Variants in EPRS1 observed in about 807,000 individuals in gnomAD.
The protein encoded by EPRS1 is bifunctional glutamate/proline--tRNA ligase.
Under a neutral mutation model 188.3 loss-of-function variants are expected in EPRS1, and 107 were observed. The observed-to-expected ratio is 0.57, with a 90% CI of 0.49 to 0.67. The LOEUF (loss-of-function observed/expected upper bound fraction) is 0.67, where lower values mean the gene tolerates loss of function less well. Among genes scored for constraint, EPRS1 ranks in the 30% least tolerant of loss-of-function variants. EPRS1 has a pLI of 0.00. For missense variants in EPRS1, 1,577 were observed against 1,802.2 expected (o/e 0.88, Z 2.26); for synonymous variants, 596 against 593.1 (o/e 1.00, Z -0.07).
At chr1:220,007,380 C>T (rs781576851) in intron 13 of EPRS1, 42 bp from the exon 14 acceptor site, 8 of 1,584,318 alleles carry the variant, frequency 5.0e-6, no homozygotes, top group Non-Finnish European at 6.9e-6. Flanking sequence ...GAAACAACAA[C>T]TTATTGAACC....
chr1:219,996,723 T>A lies in EPRS1; in HGVS notation c.2541+260A>T, dbSNP rs6672134. ...CACAAACCCTTTACATAGCAACTTA[T>A]ACATATCACAAAGGATTACAGTCAC... On this transcript the variant is annotated intron_variant, in intron 18 of 31. Transcript: ENST00000366923. 5.3e-3 allele frequency among the ~76,000 whole-genome samples: 810 copies of A among 152,306 alleles called. 7 individuals are homozygous for A. The highest frequency in any genetic ancestry group is 0.019 in the African/African-American group (786 of 41,538).
chr1:219,981,616 T>C (rs1660901682), intron 23 of EPRS1, among the ~76,000 whole-genome samples, 159 bp from the exon 24 acceptor site: 2 of 152,252 alleles, frequency 1.3e-5, no homozygotes, highest in African/African-American at 4.8e-5. Context: ...CCAATGTTTA[T>C]AATAAGTGAA....
intron 21 of EPRS1, 65 bp from the exon 22 acceptor site, chr1:219,983,463 A>C: frequency 2.6e-6 from 3 of 1,167,728 alleles, no homozygotes; most frequent in Non-Finnish European, 2.4e-6. Flanking sequence ...AAGTGGCAAG[A>C]GTATGATAAC....
rs1172451133 is a variant in EPRS1 at position 220,040,184 on chromosome 1, C to A, written c.131+1G>T. The stretch of plus-strand genomic sequence containing the variant: ...GAAAATAAAAAGATGAAAACACTTA[C>A]TCAGAAACATGAAGAATATTCTCTT... On this transcript the variant is annotated splice_donor_variant, in intron 2 of 31. Transcript: ENST00000366923. LOFTEE classifies it high-confidence loss of function. 6.3e-7 allele frequency: 1 copy of A among 1,586,470 alleles called. No individual in the cohort carries two copies. The highest frequency in any genetic ancestry group is 8.6e-7 in the Non-Finnish European group (1 of 1,158,792).
intron 12 of EPRS1, among the ~76,000 whole-genome samples, chr1:220,014,063 C>G (rs1019531959): frequency 6.6e-6 from 1 of 152,210 alleles, no homozygotes; most frequent in African/African-American, 2.4e-5. Context: ...CACAGTGGCT[C>G]ACGCCTGTAA....
intron 12 of EPRS1, among the ~76,000 whole-genome samples, chr1:220,013,670 GAC>G (rs1021017490): frequency 1.3e-5 from 2 of 152,170 alleles, no homozygotes; most frequent in Admixed American, 6.5e-5. Flanking sequence ...TGAGAAGAAA[GAC>G]AGAGCAAGCT....
At chr1:219,989,888 A>C (rs1289314679) in intron 18 of EPRS1, among the ~76,000 whole-genome samples, 1 of 152,270 alleles carries the variant, frequency 6.6e-6, no homozygotes, top group Admixed American at 6.5e-5. Flanking sequence ...AAGAGTTTTC[A>C]CAGCAGAAAC....
rs543632722 is a variant in EPRS1, at chr1:220,001,359, TTTTC to T, written c.2064-108_2064-105del. 2.5e-4 allele frequency: 181 copies of T among 713,152 alleles called. 5 individuals are homozygous for T. In the South Asian group the frequency reaches 2.9e-3, roughly 12 times the overall value. 44.2% of individuals were successfully genotyped at this position (713,152 alleles called of 1,614,324 possible). On this transcript the variant is annotated intron_variant, in intron 16 of 31. Coordinates refer to ENST00000366923, the MANE Select transcript of EPRS1 (RefSeq NM_004446.3). Reference sequence around the variant, plus strand: ...AAATTCAATGGCACTAAGTTAATGCTTTTCTTTCTTTTTTTCTTTCCTTTTTGAG... The same window carrying T: ...AAATTCAATGGCACTAAGTTAATGCTTTTCTTTTTTTCTTTCCTTTTTGAG...
chr1:220,029,385 T>C (rs942007618), intron 6 of EPRS1, among the ~76,000 whole-genome samples: 4 of 152,166 alleles, frequency 2.6e-5, no homozygotes, highest in African/African-American at 4.8e-5. Context: ...TCAGCAAACA[T>C]AGAAAAGCAG....
At chr1:219,981,907 A>C (rs1157201137) in intron 23 of EPRS1, among the ~76,000 whole-genome samples, 1 of 152,208 alleles carries the variant, frequency 6.6e-6, no homozygotes, top group African/African-American at 2.4e-5. Context: ...CAATTTGCTG[A>C]ATCCAGCAGT....
intron 6 of EPRS1, among the ~76,000 whole-genome samples, chr1:220,028,861 T>TA (rs1316174190): frequency 2.0e-5 from 3 of 152,016 alleles, no homozygotes; most frequent in African/African-American, 4.8e-5. Context: ...GAAAAACTCT[T>TA]TAACAGTACA....
At chr1:220,024,497 C>T (rs375676269) in intron 7 of EPRS1, 41 bp from the exon 8 acceptor site, 10 of 1,467,976 alleles carry the variant, frequency 6.8e-6, no homozygotes, top group Non-Finnish European at 8.3e-6. Context: ...ATATCTTTTG[C>T]ATTTTTTCGT....
chr1:220,020,234 A>G lies in EPRS1; in HGVS notation c.1116-13T>C. ...TGTTGGATAAACACTAGAAAAAAAG[A>G]AAATAAAATAAACAAAACATTTTAC... On this transcript the variant is annotated splice_polypyrimidine_tract_variant and intron_variant, in intron 9 of 31. Coordinates refer to ENST00000366923, the MANE Select transcript of EPRS1 (RefSeq NM_004446.3). The G allele has an allele frequency of 6.6e-7, 1 of 1,514,524 alleles. No individual in the cohort carries two copies. The highest frequency in any genetic ancestry group is 9.1e-7 in the Non-Finnish European group (1 of 1,095,958). 93.8% of individuals were successfully genotyped at this position (1,514,524 alleles called of 1,614,324 possible). A position where few individuals can be genotyped will look rare whatever the true frequency, so the allele number is the denominator to read the frequency against.
chr1:220,036,920 T>TAA (rs142599569), intron 2 of EPRS1, among the ~76,000 whole-genome samples: 1 of 149,854 alleles, frequency 6.7e-6, no homozygotes, highest in African/African-American at 2.5e-5. Flanking sequence ...ATCCAGAATG[T>TAA]AAAAAAAACA....
Position 219,978,946 on chromosome 1 carries a change from GTA to G in EPRS1, c.3910-229_3910-228del, listed in dbSNP as rs991368941. ...CTTAATCTATTTTTCATATGTGTGTGTATATATATATATATATATTTTTTTTT... is the reference window on the plus strand; with the variant it reads ...CTTAATCTATTTTTCATATGTGTGTGTATATATATATATATATTTTTTTTT... On this transcript the variant is annotated intron_variant, in intron 27 of 31. Transcript: ENST00000366923. 6.5e-4 allele frequency among the ~76,000 whole-genome samples: 90 copies of G among 138,708 alleles called. 1 individual carries two copies. The highest frequency in any genetic ancestry group is 3.7e-3 in the Middle Eastern group (1 of 268). 91.0% of individuals were successfully genotyped at this position (138,708 alleles called of 152,430 possible).
chr1:220,009,539 G>T (rs756463498), intron 13 of EPRS1, among the ~76,000 whole-genome samples: 18 of 151,928 alleles, frequency 1.2e-4, no homozygotes, highest in Non-Finnish European at 2.4e-4. Flanking sequence ...GTACAAAAAT[G>T]AGCCAGATAT....
intron 16 of EPRS1, among the ~76,000 whole-genome samples, chr1:220,002,269 T>C (rs979172882): frequency 6.6e-6 from 1 of 151,422 alleles, no homozygotes; most frequent in African/African-American, 2.4e-5. Flanking sequence ...GAGATGGAGA[T>C]TGCAATGAGC....
At chr1:220,019,332 A>T (rs1661809883) in intron 10 of EPRS1, among the ~76,000 whole-genome samples, 1 of 152,204 alleles carries the variant, frequency 6.6e-6, no homozygotes, top group Non-Finnish European at 1.5e-5. Flanking sequence ...AAAAAAAGAC[A>T]CAATGGTGAC....
In EPRS1 at chr1:219,997,259, A is replaced by G. The variant is rs1288606373; in HGVS notation, c.2265T>C (p.Asn755=). The G allele has an allele frequency of 6.2e-7, 1 of 1,614,008 alleles. No individual in the cohort carries two copies. The highest frequency in any genetic ancestry group is 8.5e-7 in the Non-Finnish European group (1 of 1,179,938). Residue 755 remains asparagine (N), a synonymous_variant, in exon 18 of 32, where the codon AAT becomes AAC. Coordinates refer to ENST00000366923, the MANE Select transcript of EPRS1 (RefSeq NM_004446.3). ...TTSEDSLVLY[N]RVAVQGDVVR... ...CCACATCTCCTTGAACAGCCACTCT[A>G]TTGTAAAGGACCAAGGAATCCTCAG...
Sources: gnomAD v4.1 joint callset for allele counts (sites outside exome capture counted in the v4.1 genomes callset) on GRCh38, gnomAD v4.1.1 for gene constraint, MANE v1.5 for transcripts, NCBI Gene and HGNC (gene_info 2026-07-23, HGNC 2026-07-21) for gene names.